Variants in LNX2 observed in about 807,000 individuals in gnomAD.
The protein encoded by LNX2 is ligand of numb-protein X 2, also known as ligand of Numb protein X 2.
LNX2 carries 35 observed loss-of-function variants against 66.2 expected under a neutral mutation model. That is an observed-to-expected ratio of 0.53 (90% CI 0.40 to 0.70). LNX2 has a LOEUF of 0.70. Among genes scored for constraint, LNX2 ranks in the 30% least tolerant of loss-of-function variants. The pLI, the probability that LNX2 is intolerant of heterozygous loss-of-function variation, is 0.00. For missense variants in LNX2, 791 were observed against 850.8 expected (o/e 0.93, Z 0.87); for synonymous variants, 337 against 315.6 (o/e 1.07, Z -0.72).
chr13:27,565,480 G>C (rs1383071832), intron 4 of LNX2, among the ~76,000 whole-genome samples: 2 of 152,146 alleles, frequency 1.3e-5, no homozygotes, highest in Non-Finnish European at 2.9e-5. Context: ...ATGAACCTGG[G>C]AAATGAGCTG....
chr13:27,578,471 A>G (rs867841278), intron 2 of LNX2, among the ~76,000 whole-genome samples: 6 of 152,312 alleles, frequency 3.9e-5, no homozygotes, highest in African/African-American at 1.2e-4. Context: ...TGTTGGTTTT[A>G]GAACATGGCT....
At chr13:27,562,013 T>C (rs941016416) in intron 5 of LNX2, among the ~76,000 whole-genome samples, 1 of 152,250 alleles carries the variant, frequency 6.6e-6, no homozygotes, top group South Asian at 2.1e-4. Flanking sequence ...TCTATTTATA[T>C]AGATCCTGAC....
At chr13:27,593,403 C>T (rs1792586982) in intron 1 of LNX2, among the ~76,000 whole-genome samples, 1 of 152,124 alleles carries the variant, frequency 6.6e-6, no homozygotes, top group Admixed American at 6.5e-5. Context: ...CAACTCCTTA[C>T]CTAAAAGGGC....
At chr13:27,604,964 A>G (rs1387994321) in intron 1 of LNX2, among the ~76,000 whole-genome samples, 1 of 151,974 alleles carries the variant, frequency 6.6e-6, no homozygotes, top group Non-Finnish European at 1.5e-5. Context: ...ACACAGAACC[A>G]TGTAGGTAAA....
chr13:27,616,781 G>C (rs138142520), intron 1 of LNX2, among the ~76,000 whole-genome samples: 4,076 of 152,308 alleles, frequency 0.027, 78 homozygotes, highest in Middle Eastern at 0.048. Context: ...ATGGAGTCTA[G>C]CTCTATCACC....
chr13:27,567,541 A>T, intron 4 of LNX2, 99 bp downstream of exon 4: 1 of 883,058 alleles, frequency 1.1e-6, no homozygotes. Context: ...AAACTAATCT[A>T]TATATAATTT....
At position 27,581,392 on chromosome 13, in the gene LNX2, A is replaced by T. The variant is rs78036110; in HGVS notation, c.312T>A (p.His104Gln). Residue 104 changes from histidine to glutamine, a missense_variant, in exon 2 of 10, where the codon CAT becomes CAA. Coordinates refer to ENST00000316334, the MANE Select transcript of LNX2 (RefSeq NM_153371.4). ...AAACTAATAATTTGTCTAGGAGTTT[A>T]TGAACTAGAATACTAGACTTCTTGC... ...KLCKKSSILV[H>Q]KLLDKLLVLC... The T allele has an allele frequency of 3.5e-3, 5,524 of 1,598,136 alleles. 24 individuals are homozygous for T. Among genetic ancestry groups the T allele is most frequent in the South Asian group, 0.011 (980 of 89,860 alleles).
At chr13:27,594,385 T>TG (rs1955574986) in intron 1 of LNX2, among the ~76,000 whole-genome samples, 1 of 152,144 alleles carries the variant, frequency 6.6e-6, no homozygotes. Flanking sequence ...CCAAGCCTCC[T>TG]GTTTGCCTTT....
At chr13:27,562,383 G>A (rs748110689) in intron 5 of LNX2, 30 bp downstream of exon 5, 2 of 1,583,488 alleles carry the variant, frequency 1.3e-6, no homozygotes, top group Non-Finnish European at 1.7e-6. Flanking sequence ...TTTCGGCCAA[G>A]CCTTTGGAAT....
At chr13:27,555,215 G>T (rs551116414) in intron 7 of LNX2, among the ~76,000 whole-genome samples, 1 of 152,272 alleles carries the variant, frequency 6.6e-6, no homozygotes, top group East Asian at 1.9e-4. Flanking sequence ...TCCCAAAGTG[G>T]TGAGATTACA....
At chr13:27,575,384 T>C (rs1955331366) in intron 2 of LNX2, among the ~76,000 whole-genome samples, 1 of 152,186 alleles carries the variant, frequency 6.6e-6, no homozygotes, top group South Asian at 2.1e-4. Context: ...TGAGTGTGTC[T>C]GTGAGGCTGT....
At chr13:27,616,481 GTC>G (rs1566136335) in intron 1 of LNX2, among the ~76,000 whole-genome samples, 4 of 152,300 alleles carry the variant, frequency 2.6e-5, no homozygotes, top group African/African-American at 9.6e-5. Context: ...GCCTGAAACT[GTC>G]TCTCAGGTTA....
At chr13:27,583,234 GTGTGTGTGTGTGTGTGTGT>G in intron 1 of LNX2, among the ~76,000 whole-genome samples, 1 of 23,034 alleles carries the variant, frequency 4.3e-5, no homozygotes, top group East Asian at 1.2e-3. Flanking sequence ...GTGTGTGTGT[GTGTGTGTGTGTGTGTGTGT>G]GTGCGCGCGT....
At chr13:27,548,704 C>G (rs753927077) in intron 9 of LNX2, among the ~76,000 whole-genome samples, 17 of 152,074 alleles carry the variant, frequency 1.1e-4, no homozygotes, top group Admixed American at 3.3e-4. Flanking sequence ...ATGTCAAGGA[C>G]AAGCAGAGTA....
Position 27,548,225 on chromosome 13 carries a change from T to G in LNX2, c.*110A>C. 9.9e-7 allele frequency: 1 copy of G among 1,005,976 alleles called. No individual in the cohort carries two copies. The highest frequency in any genetic ancestry group is 1.5e-6 in the Non-Finnish European group (1 of 669,564). 62.3% of individuals were successfully genotyped at this position (1,005,976 alleles called of 1,614,324 possible). A position where few individuals can be genotyped will look rare whatever the true frequency, so the allele number is the denominator to read the frequency against. ...AATCTTAGTGGGTTTTGGCCCTGTGTATACCAGCAGTGTCAGCAGCTCCTA... is the reference window on the plus strand; with the variant it reads ...AATCTTAGTGGGTTTTGGCCCTGTGGATACCAGCAGTGTCAGCAGCTCCTA... On this transcript the variant is annotated 3_prime_UTR_variant, in exon 10 of 10. Coordinates refer to ENST00000316334, the MANE Select transcript of LNX2 (RefSeq NM_153371.4).
chr13:27,616,710 G>A (rs1213043184), intron 1 of LNX2, among the ~76,000 whole-genome samples: 1 of 152,216 alleles, frequency 6.6e-6, no homozygotes, highest in Non-Finnish European at 1.5e-5. Context: ...ATACTAACTA[G>A]AGGACAATTT....
rs753792785 is a variant in LNX2 at position 27,567,711 on chromosome 13, T to C, written c.784A>G (p.Ile262Val). ...ACCCCATCCCGATAGACCTCCTGGATGACAATGTTAATCAAAGGTGTTTCG... is the reference window on the plus strand; with the variant it reads ...ACCCCATCCCGATAGACCTCCTGGACGACAATGTTAATCAAAGGTGTTTCG... ...GNETPLINIV[I>V]QEVYRDGVIA... is the part of the protein sequence containing the mutation. The change falls in exon 4 of 10, where the codon ATC becomes GTC. Residue 262 changes from isoleucine to valine, a missense_variant. Ile to Val is a conservative substitution (Grantham distance 29). Coordinates refer to ENST00000316334, the MANE Select transcript of LNX2 (RefSeq NM_153371.4). 1 of 1,613,950 alleles carries C rather than the reference T, an allele frequency of 6.2e-7. No homozygotes were observed. The highest frequency in any genetic ancestry group is 2.2e-5 in the East Asian group (1 of 44,870).
intron 6 of LNX2, among the ~76,000 whole-genome samples, chr13:27,556,673 T>C (rs1247591659): frequency 6.6e-6 from 1 of 152,184 alleles, no homozygotes; most frequent in Non-Finnish European, 1.5e-5. Flanking sequence ...CAAAGTAAAA[T>C]AAGCACATCA....
intron 7 of LNX2, among the ~76,000 whole-genome samples, chr13:27,554,618 A>C (rs1416709993): frequency 2.6e-5 from 4 of 152,198 alleles, no homozygotes; most frequent in Admixed American, 2.6e-4. Flanking sequence ...ACCACATTCC[A>C]TTGATCCATT....
Sources: allele counts gnomAD v4.1 joint callset (sites outside exome capture counted in the v4.1 genomes callset), GRCh38; gene constraint gnomAD v4.1.1; transcripts MANE v1.5; gene names NCBI Gene and HGNC (gene_info 2026-07-23, HGNC 2026-07-21).